The following TUBA8 variants were observed in gnomAD, a reference collection of about 807,000 sequenced individuals.
The protein encoded by TUBA8 is tubulin alpha 8.
Under a neutral mutation model 34.7 loss-of-function variants are expected in TUBA8, and 29 were observed. That is an observed-to-expected ratio of 0.84 (90% CI 0.62 to 1.14). TUBA8 has a LOEUF of 1.14. TUBA8 is among the 50% of genes most tolerant of loss of function. The pLI is 0.00. For synonymous variants in TUBA8, 226 were observed against 231.2 expected (o/e 0.98, Z 0.21); for missense variants, 541 against 599.2 (o/e 0.90, Z 1.01).
chr22:18,115,332 A>C (rs1289229852), intron 1 of TUBA8: 1 of 152,378 alleles, frequency 6.6e-6, no homozygotes, highest in Admixed American at 6.5e-5. Flanking sequence ...CCAAGCTAGA[A>C]GATGTCTCCT....
At position 18,121,434 on chromosome 22, in the gene TUBA8, TG is replaced by T; in HGVS notation, c.4-40del. Reference sequence around the variant, plus strand: ...ATGGGGATGTAGGGCAAAGGCATGCTGGGGGCCCAGACTCTCTGACCTCGTT... The same window carrying T: ...ATGGGGATGTAGGGCAAAGGCATGCTGGGGCCCAGACTCTCTGACCTCGTT... On this transcript the variant is annotated intron_variant, in intron 1 of 4. Transcript: ENST00000330423. The surrounding 1 kb of genome is among the most constrained non-coding windows in gnomAD (Gnocchi z 4.8). 6.4e-7 allele frequency: 1 copy of T among 1,560,964 alleles called. No homozygotes were observed. Among genetic ancestry groups the T allele is most frequent in the Non-Finnish European group, 8.8e-7 (1 of 1,131,618 alleles).
chr22:18,130,739 C>T (rs1928473030), intron 4 of TUBA8, 104 bp from the exon 5 acceptor site: 1 of 1,508,000 alleles, frequency 6.6e-7, no homozygotes, highest in Non-Finnish European at 9.1e-7. Context: ...CGCCCCTGAC[C>T]ATGACTTGAA....
rs2123696928 is a variant in TUBA8, at chr22:18,118,488, T to A, written c.4-2991T>A. The A allele has an allele frequency of 6.6e-6, 1 of 152,348 alleles. No individual in the cohort carries two copies. The highest frequency in any genetic ancestry group is 6.5e-5 in the Admixed American group (1 of 15,304). The allele number at this position is 152,348 out of a possible 1,614,324, so 9.4% of individuals were successfully genotyped here. A position where few individuals can be genotyped will look rare whatever the true frequency, so the allele number is the denominator to read the frequency against. Reference sequence around the variant, plus strand: ...CCTCTTCAGGTGCTTGGGCAGCCCCTTGGTTAGCCTCCGTGCCTCCAGGCG... The same window carrying A: ...CCTCTTCAGGTGCTTGGGCAGCCCCATGGTTAGCCTCCGTGCCTCCAGGCG... On this transcript the variant is annotated intron_variant, in intron 1 of 4. Transcript: ENST00000330423. This position sits in a 1 kb window ranked among gnomAD's most constrained non-coding sequence, Gnocchi z 4.0.
At position 18,131,620 on chromosome 22, in the gene TUBA8, A is replaced by G. The variant is rs1928519611; in HGVS notation, c.*484A>G. On this transcript the variant is annotated 3_prime_UTR_variant, in exon 5 of 5. Transcript: ENST00000330423. The surrounding 1 kb of genome is among the most constrained non-coding windows in gnomAD (Gnocchi z 5.3). Reference sequence around the variant, plus strand: ...GCATGCATTCACTCCCCCATCACATATTCCAATACACACCCTGTCCTAGGC... The same window carrying G: ...GCATGCATTCACTCCCCCATCACATGTTCCAATACACACCCTGTCCTAGGC... 2 of 209,292 alleles carry G rather than the reference A, an allele frequency of 9.6e-6. No homozygotes were observed. Among genetic ancestry groups the G allele is most frequent in the Admixed American group, 5.3e-5 (1 of 19,044 alleles). 13.0% of individuals were successfully genotyped at this position (209,292 alleles called of 1,614,324 possible).
chr22:18,126,712 A>AC lies in TUBA8; in HGVS notation c.735dup (p.Gly246ArgfsTer9). On this transcript the variant is annotated frameshift_variant, in exon 4 of 5. Coordinates refer to ENST00000330423, the MANE Select transcript of TUBA8 (RefSeq NM_018943.3). LOFTEE classifies it high-confidence loss of function. This position sits in a 1 kb window ranked among gnomAD's most constrained non-coding sequence, Gnocchi z 4.0. ...TCAATCACTGCTTCTCTCCGCTTTG[A>AC]CGGGGCCCTCAATGTGGACCTCACT... is the stretch of plus-strand genomic sequence containing the variant. 1 of 1,613,958 alleles carries AC rather than the reference A, an allele frequency of 6.2e-7. No individual in the cohort carries two copies. Among genetic ancestry groups the AC allele is most frequent in the East Asian group, 2.2e-5 (1 of 44,874 alleles).
chr22:18,112,530 G>A (rs1029390649), intron 1 of TUBA8: 1 of 152,198 alleles, frequency 6.6e-6, no homozygotes, highest in Admixed American at 6.5e-5. Context: ...CCCAGAGGAT[G>A]TTTACAGGGG....
chr22:18,116,227 T>G (rs962821417), intron 1 of TUBA8: 2 of 143,568 alleles, frequency 1.4e-5, no homozygotes, highest in African/African-American at 2.4e-5. Flanking sequence ...GGCCGCCCCA[T>G]GAGCCATTCG....
At chr22:18,128,569 T>C (rs778243670) in intron 4 of TUBA8, 1 of 152,222 alleles carries the variant, frequency 6.6e-6, no homozygotes, top group Non-Finnish European at 1.5e-5. Context: ...TCCCCTGAGA[T>C]GGAGTCTTGC....
chr22:18,122,097 C>T (rs1233814684), intron 2 of TUBA8: 2 of 199,040 alleles, frequency 1.0e-5, no homozygotes, highest in Non-Finnish European at 1.0e-5. Context: ...GCATCTTACA[C>T]ACAAAGGGGC....
rs1170782866 is a variant in TUBA8 at position 18,118,787 on chromosome 22, GAC to G, written c.4-2690_4-2689del. The G allele has an allele frequency of 6.6e-6, 1 of 152,218 alleles. No homozygotes were observed. The highest frequency in any genetic ancestry group is 1.5e-5 in the Non-Finnish European group (1 of 68,056). The allele number at this position is 152,218 out of a possible 1,614,324, so 9.4% of individuals were successfully genotyped here. On this transcript the variant is annotated intron_variant, in intron 1 of 4. Transcript: ENST00000330423. The surrounding 1 kb of genome is among the most constrained non-coding windows in gnomAD (Gnocchi z 4.0). The stretch of plus-strand genomic sequence containing the variant: ...GACGGGGGCGGGGGAGAGAGAAAGA[GAC>G]AGACATTTTGTAAAAGACTGGCATA...
In TUBA8 at chr22:18,121,883, C is replaced by T; in HGVS notation, c.226+182C>T. 1 of 624,922 alleles carries T rather than the reference C, an allele frequency of 1.6e-6. No individual in the cohort carries two copies. The highest frequency in any genetic ancestry group is 2.8e-6 in the Non-Finnish European group (1 of 354,692). 38.7% of individuals were successfully genotyped at this position (624,922 alleles called of 1,614,324 possible). Reference sequence around the variant, plus strand: ...CCCACAGTCTCGGGGAATCTCATGACAGTGATCAAGACTCTATGCAGAACA... The same window carrying T: ...CCCACAGTCTCGGGGAATCTCATGATAGTGATCAAGACTCTATGCAGAACA... On this transcript the variant is annotated intron_variant, in intron 2 of 4. Coordinates refer to ENST00000330423, the MANE Select transcript of TUBA8 (RefSeq NM_018943.3). The surrounding 1 kb of genome is among the most constrained non-coding windows in gnomAD (Gnocchi z 4.8).
intron 1 of TUBA8, chr22:18,120,820 C>T (rs1019225217): frequency 4.6e-5 from 7 of 153,128 alleles, no homozygotes; most frequent in Non-Finnish European, 8.7e-5. Flanking sequence ...AACACTTGGC[C>T]TGGCATAGGC....
chr22:18,121,809 G>A lies in TUBA8; in HGVS notation c.226+108G>A. On this transcript the variant is annotated intron_variant, in intron 2 of 4. Transcript: ENST00000330423. The surrounding 1 kb of genome is among the most constrained non-coding windows in gnomAD (Gnocchi z 4.8). ...TCTCTAGCTGGAAGGTGGGGATGGT[G>A]CAACCGCAGCCTCCCACCCCACGTG... The A allele has an allele frequency of 9.2e-7, 1 of 1,091,276 alleles. No individual in the cohort carries two copies. Among genetic ancestry groups the A allele is most frequent in the Non-Finnish European group, 1.3e-6 (1 of 744,254 alleles). The allele number at this position is 1,091,276 out of a possible 1,614,324, so 67.6% of individuals were successfully genotyped here.
Position 18,131,406 on chromosome 22 carries a change from C to A in TUBA8, c.*270C>A. On this transcript the variant is annotated 3_prime_UTR_variant, in exon 5 of 5. Coordinates refer to ENST00000330423, the MANE Select transcript of TUBA8 (RefSeq NM_018943.3). This position sits in a 1 kb window ranked among gnomAD's most constrained non-coding sequence, Gnocchi z 5.3. ...TGAGGCTGCAGCCCAGTTTCACATG[C>A]GAGGAGGCCTAATCAGGAGTTTCAA... 1 of 464,428 alleles carries A rather than the reference C, an allele frequency of 2.2e-6. No homozygotes were observed. Among genetic ancestry groups the A allele is most frequent in the East Asian group, 4.2e-5 (1 of 24,014 alleles). The allele number at this position is 464,428 out of a possible 1,614,324, so 28.8% of individuals were successfully genotyped here. A position where few individuals can be genotyped will look rare whatever the true frequency, so the allele number is the denominator to read the frequency against.
chr22:18,121,108 G>A lies in TUBA8; in HGVS notation c.4-371G>A, dbSNP rs891992744. On this transcript the variant is annotated intron_variant, in intron 1 of 4. Transcript: ENST00000330423. This position sits in a 1 kb window ranked among gnomAD's most constrained non-coding sequence, Gnocchi z 4.8. ...CAGCTGTGAATGCTGCCTTGTGTGGGCGTAGGCTGAAGGAGAGTTTCTGCC... is the reference window on the plus strand; with the variant it reads ...CAGCTGTGAATGCTGCCTTGTGTGGACGTAGGCTGAAGGAGAGTTTCTGCC... 2 of 307,110 alleles carry A rather than the reference G, an allele frequency of 6.5e-6. No individual in the cohort carries two copies. The highest frequency in any genetic ancestry group is 2.1e-5 in the African/African-American group (1 of 46,552). The allele number at this position is 307,110 out of a possible 1,614,324, so 19.0% of individuals were successfully genotyped here.
rs1602496289 is a variant in TUBA8 at position 18,124,074 on chromosome 22, G to C, written c.227-82G>C. 1.9e-6 allele frequency: 3 copies of C among 1,567,452 alleles called. No homozygotes were observed. The highest frequency in any genetic ancestry group is 1.4e-5 in the African/African-American group (1 of 74,030). On this transcript the variant is annotated intron_variant, in intron 2 of 4. Coordinates refer to ENST00000330423, the MANE Select transcript of TUBA8 (RefSeq NM_018943.3). This position sits in a 1 kb window ranked among gnomAD's most constrained non-coding sequence, Gnocchi z 4.3. Reference sequence around the variant, plus strand: ...TGGAGTTTTATAGGTAGGGGAGAACGGAAGGGGTCCTGCGGTAGTGTGGTA... The same window carrying C: ...TGGAGTTTTATAGGTAGGGGAGAACCGAAGGGGTCCTGCGGTAGTGTGGTA...
intron 1 of TUBA8, chr22:18,116,993 T>G (rs1244020222): frequency 3.9e-5 from 6 of 152,226 alleles, no homozygotes; most frequent in Admixed American, 3.9e-4. Context: ...GCGTAGTCAA[T>G]TATTATTTGA....
chr22:18,113,997 G>A (rs894737661), intron 1 of TUBA8: 1 of 151,944 alleles, frequency 6.6e-6, no homozygotes, highest in African/African-American at 2.4e-5. Context: ...TTTGGTGGGG[G>A]AAATAGCTGG....
In TUBA8 at chr22:18,121,227, T is replaced by C. The variant is rs866191330; in HGVS notation, c.4-252T>C. 6 of 503,708 alleles carry C rather than the reference T, an allele frequency of 1.2e-5. No individual in the cohort carries two copies. The highest frequency in any genetic ancestry group is 1.1e-4 in the South Asian group (5 of 44,866). 31.2% of individuals were successfully genotyped at this position (503,708 alleles called of 1,614,324 possible). On this transcript the variant is annotated intron_variant, in intron 1 of 4. Coordinates refer to ENST00000330423, the MANE Select transcript of TUBA8 (RefSeq NM_018943.3). The surrounding 1 kb of genome is among the most constrained non-coding windows in gnomAD (Gnocchi z 4.8). Reference sequence around the variant, plus strand: ...TGCTTCATCTTTGCAACCACCCTCCTTTTTTCTTTCCTGGTATAAAAGGTC... The same window carrying C: ...TGCTTCATCTTTGCAACCACCCTCCCTTTTTCTTTCCTGGTATAAAAGGTC...
Sources: allele counts gnomAD v4.1 joint callset, GRCh38; gene constraint gnomAD v4.1.1; non-coding constraint Gnocchi (gnomAD v3.1); transcripts MANE v1.5; gene names NCBI Gene and HGNC (gene_info 2026-07-23, HGNC 2026-07-21).